GCLC: variants seen among roughly 807,000 people sequenced by gnomAD.
GCLC encodes glutamate-cysteine ligase catalytic subunit.
GCLC carries 30 observed loss-of-function variants against 81.5 expected under a neutral mutation model. That is an observed-to-expected ratio of 0.37 (90% CI 0.28 to 0.50). The LOEUF (loss-of-function observed/expected upper bound fraction) is 0.50, where lower values mean the gene tolerates loss of function less well. Among genes scored for constraint, GCLC ranks in the 20% least tolerant of loss-of-function variants. The pLI is 0.96. For synonymous variants in GCLC, 262 were observed against 273.3 expected (o/e 0.96, Z 0.41); for missense variants, 556 against 777.4 (o/e 0.72, Z 3.39).
chr6:53,511,027 A>G (rs1764728633), intron 6 of GCLC, among the ~76,000 whole-genome samples: 1 of 152,360 alleles, frequency 6.6e-6, no homozygotes, highest in East Asian at 1.9e-4. Context: ...GCATGAAATT[A>G]CATGAGCAGT....
chr6:53,527,640 T>C (rs1763105274), intron 1 of GCLC, among the ~76,000 whole-genome samples: 1 of 152,194 alleles, frequency 6.6e-6, no homozygotes, highest in African/African-American at 2.4e-5. Flanking sequence ...TAACACGCTA[T>C]TGCTGAATTA....
intron 1 of GCLC, among the ~76,000 whole-genome samples, chr6:53,538,277 A>T (rs527748386): frequency 6.7e-5 from 10 of 150,288 alleles, no homozygotes; most frequent in Middle Eastern, 3.5e-3. Flanking sequence ...TCAGCCTCCC[A>T]AGTAGCTGGG....
At chr6:53,531,786 T>C (rs1364432266) in intron 1 of GCLC, among the ~76,000 whole-genome samples, 1 of 152,230 alleles carries the variant, frequency 6.6e-6, no homozygotes, top group Non-Finnish European at 1.5e-5. Flanking sequence ...CTACCCACCC[T>C]GGTGCCTCCT....
At chr6:53,540,219 C>T (rs542528525) in intron 1 of GCLC, among the ~76,000 whole-genome samples, 65 of 150,792 alleles carry the variant, frequency 4.3e-4, no homozygotes, top group Non-Finnish European at 7.5e-4. Flanking sequence ...CAATGTTCAT[C>T]GAAGTTATTC....
In GCLC at chr6:53,507,043, A is replaced by G; in HGVS notation, c.1085-18T>C. The G allele has an allele frequency of 1.5e-6, 2 of 1,341,762 alleles. No individual in the cohort carries two copies. Among genetic ancestry groups the G allele is most frequent in the Admixed American group, 1.7e-5 (1 of 59,690 alleles). 83.1% of individuals were successfully genotyped at this position (1,341,762 alleles called of 1,614,324 possible). ...ATCAATGCCTGCAAAAAGAGATCAC[A>G]TGGGAACTCACTGCAAAGCGAGAGA... On this transcript the variant is annotated intron_variant, in intron 9 of 15. Transcript: ENST00000650454.
chr6:53,541,621 G>T (rs1379836687), intron 1 of GCLC, among the ~76,000 whole-genome samples: 1 of 152,102 alleles, frequency 6.6e-6, no homozygotes, highest in Non-Finnish European at 1.5e-5. Context: ...TGGGGGGGCG[G>T]TGGGGGAACA....
intron 1 of GCLC, among the ~76,000 whole-genome samples, chr6:53,534,790 T>C (rs1581748552): frequency 6.6e-6 from 1 of 152,114 alleles, no homozygotes; most frequent in Admixed American, 6.5e-5. Context: ...CACGAAAAAC[T>C]ACAAAACACT....
chr6:53,522,947 A>G (rs1763023096), intron 1 of GCLC, among the ~76,000 whole-genome samples: 1 of 152,248 alleles, frequency 6.6e-6, no homozygotes, highest in African/African-American at 2.4e-5. Flanking sequence ...GGTAGATTAC[A>G]CTTACTTACT....
At chr6:53,514,174 CT>C (rs768594036) in intron 6 of GCLC, 29 bp downstream of exon 6, 2 of 1,609,882 alleles carry the variant, frequency 1.2e-6, no homozygotes, top group South Asian at 2.2e-5. Context: ...GGATGGAACA[CT>C]TTGCCTCTCT....
intron 6 of GCLC, 85 bp from the exon 7 acceptor site, chr6:53,509,335 G>A (rs1764688017): frequency 9.9e-6 from 8 of 812,020 alleles, no homozygotes; most frequent in Non-Finnish European, 1.8e-5. Context: ...AAGGTGCTGG[G>A]CAGAGAGGGG....
intron 6 of GCLC, chr6:53,510,091 A>T (rs1275522931): frequency 1.3e-5 from 2 of 152,390 alleles, no homozygotes; most frequent in African/African-American, 2.4e-5. Context: ...AGTGATACTA[A>T]AGTCAAAGTA....
At chr6:53,520,163 GAACAT>G (rs1025488477) in intron 3 of GCLC, among the ~76,000 whole-genome samples, 1 of 152,188 alleles carries the variant, frequency 6.6e-6, no homozygotes, top group African/African-American at 2.4e-5. Context: ...TCTAAGCGAA[GAACAT>G]AATTTCACTA....
chr6:53,534,406 A>C (rs1200131818), intron 1 of GCLC, among the ~76,000 whole-genome samples: 1 of 152,134 alleles, frequency 6.6e-6, no homozygotes, highest in Admixed American at 6.5e-5. Context: ...GGATAGAAAA[A>C]GTGGGAAACA....
chr6:53,539,581 T>A (rs772534500), intron 1 of GCLC, among the ~76,000 whole-genome samples: 11 of 151,418 alleles, frequency 7.3e-5, no homozygotes, highest in South Asian at 2.1e-4. Context: ...CTTCCAACCA[T>A]ACCTATGGCG....
chr6:53,514,031 A>G, intron 6 of GCLC, 173 bp downstream of exon 6: 1 of 648,412 alleles, frequency 1.5e-6, no homozygotes, highest in Non-Finnish European at 2.7e-6. Flanking sequence ...TTAGTCATAG[A>G]CAGCTTCCAA....
In GCLC at chr6:53,497,901, A is replaced by G. The variant is rs1043795400; in HGVS notation, c.*855T>C. The stretch of plus-strand genomic sequence containing the variant: ...AAAACTGTATACAGCAGCAATCAGA[A>G]TAACAGGCCACAAGAGAAGAACGCC... On this transcript the variant is annotated 3_prime_UTR_variant, in exon 16 of 16. Transcript: ENST00000650454. 2 of 152,552 alleles carry G rather than the reference A, an allele frequency of 1.3e-5. No homozygotes were observed. The highest frequency in any genetic ancestry group is 2.4e-5 in the African/African-American group (1 of 41,436). 9.4% of individuals were successfully genotyped at this position (152,552 alleles called of 1,614,324 possible). A position where few individuals can be genotyped will look rare whatever the true frequency, so the allele number is the denominator to read the frequency against.
At chr6:53,521,178 A>T (rs998751510) in intron 2 of GCLC, among the ~76,000 whole-genome samples, 4 of 152,164 alleles carry the variant, frequency 2.6e-5, no homozygotes, top group Non-Finnish European at 4.4e-5. Context: ...CTTTTGAGAC[A>T]GAGTCTCGCT....
At chr6:53,522,706 G>A (rs1763020160) in intron 1 of GCLC, 179 bp from the exon 2 acceptor site, 1 of 547,594 alleles carries the variant, frequency 1.8e-6, no homozygotes, top group African/African-American at 1.9e-5. Context: ...GAAACCTGTA[G>A]AAAGGATCAG....
At chr6:53,508,462 C>T in intron 8 of GCLC, 133 bp downstream of exon 8, 2 of 747,100 alleles carry the variant, frequency 2.7e-6, no homozygotes, top group Non-Finnish European at 4.9e-6. Flanking sequence ...AAATTAACTC[C>T]CCACCTAGAC....
Sources: gnomAD v4.1 joint callset for allele counts (sites outside exome capture counted in the v4.1 genomes callset) on GRCh38, gnomAD v4.1.1 for gene constraint, MANE v1.5 for transcripts, NCBI Gene and HGNC (gene_info 2026-07-23, HGNC 2026-07-21) for gene names.